The following ADGRA3 variants were observed in gnomAD, a reference collection of about 807,000 sequenced individuals.
ADGRA3 encodes G-protein coupled receptor 125.
ADGRA3 carries 56 observed loss-of-function variants against 119.8 expected under a neutral mutation model. The ratio of observed to expected loss-of-function variants is 0.47; its 90% CI spans 0.38 to 0.58. The LOEUF (loss-of-function observed/expected upper bound fraction) is 0.58. Ranked by LOEUF, ADGRA3 falls within the 20% of genes least tolerant of loss-of-function variation. ADGRA3 has a pLI of 0.00. For synonymous variants in ADGRA3, 607 were observed against 623.8 expected, an observed-to-expected ratio of 0.97 and a Z score of 0.40; for missense variants, 1,516 against 1,649.0, an observed-to-expected ratio of 0.92 and a Z score of 1.40.
At chr4:22,432,119 A>G (rs543319015) in intron 10 of ADGRA3, among the ~76,000 whole-genome samples, 15 of 152,160 alleles carry the variant, frequency 9.9e-5, no homozygotes, top group Admixed American at 7.2e-4. Flanking sequence ...AAGTTCTTAA[A>G]AAGTTAAAAC....
chr4:22,513,589 G>A (rs1251104840), intron 1 of ADGRA3, among the ~76,000 whole-genome samples: 1 of 148,490 alleles, frequency 6.7e-6, no homozygotes, highest in Non-Finnish European at 1.5e-5. Flanking sequence ...TCGGCTCACT[G>A]CAATCTCCAC....
chr4:22,436,590 G>A lies in ADGRA3; in HGVS notation c.1137C>T (p.Asn379=). 6.2e-7 allele frequency: 1 copy of A among 1,614,116 alleles called. No individual in the cohort carries two copies. Among genetic ancestry groups the A allele is most frequent in the Non-Finnish European group, 8.5e-7 (1 of 1,179,992 alleles). The change falls in exon 9 of 19, where the codon AAC becomes AAT. Residue 379 remains asparagine, a synonymous_variant. Coordinates refer to ENST00000334304, the MANE Select transcript of ADGRA3 (RefSeq NM_145290.4). ...CGGGATATATCCCACTGCCATGGGT[G>A]TTCCGCGTACACTGCAGATATGCAG... ...GITAYLQCTR[N]THGSGIYPGN...
At position 22,515,805 on chromosome 4, in the gene ADGRA3, G is replaced by C; in HGVS notation, c.-21C>G. 2.0e-6 allele frequency: 2 copies of C among 994,856 alleles called. No homozygotes were observed. Among genetic ancestry groups the C allele is most frequent in the Non-Finnish European group, 2.4e-6 (2 of 839,494 alleles). The allele number at this position is 994,856 out of a possible 1,614,324, so 61.6% of individuals were successfully genotyped here. A position where few individuals can be genotyped will look rare whatever the true frequency, so the allele number is the denominator to read the frequency against. ...TCCATGCTGCGGGCCGGGGCCTGCG[G>C]GGCGAGCGGCGGCGCACTGGCCTAG... On this transcript the variant is annotated 5_prime_UTR_variant, in exon 1 of 19. Transcript: ENST00000334304.
intron 1 of ADGRA3, among the ~76,000 whole-genome samples, chr4:22,507,072 C>T (rs1447821082): frequency 7.4e-5 from 4 of 54,060 alleles, no homozygotes; most frequent in Non-Finnish European, 1.5e-4. Context: ...CCCATCTCTA[C>T]TAAAAATTAA....
At position 22,442,838 on chromosome 4, in the gene ADGRA3, G is replaced by C; in HGVS notation, c.732C>G (p.Phe244Leu). ...CTTGGCGATGAGATGGAGTCATGTA[G>C]AAAGACGGCAATTCAAGCGGAGGGT... ...TCDPPLELPS[F>L]YMTPSHRQVV... Residue 244 changes from phenylalanine (F) to leucine (L), a missense_variant, in exon 7 of 19, where the codon TTC (phenylalanine) becomes TTG (leucine). Phe to Leu is a conservative substitution (Grantham distance 22, BLOSUM62 0). This residue lies in a region of ADGRA3 where 428 missense variants were observed against 541.9 expected (regional missense o/e 0.79). Transcript: ENST00000334304. 1 of 1,612,992 alleles carries C rather than the reference G, an allele frequency of 6.2e-7. No homozygotes were observed. Among genetic ancestry groups the C allele is most frequent in the Non-Finnish European group, 8.5e-7 (1 of 1,179,102 alleles).
chr4:22,452,622 AAACATTTT>A (rs769218156), intron 4 of ADGRA3, among the ~76,000 whole-genome samples: 1 of 152,168 alleles, frequency 6.6e-6, no homozygotes, highest in Non-Finnish European at 1.5e-5. Context: ...TAAACCTACC[AAACATTTT>A]AGTTCTTGAC....
At chr4:22,436,415 G>GTA (rs1577347640) in intron 9 of ADGRA3, 25 bp downstream of exon 9, 6 of 1,568,954 alleles carry the variant, frequency 3.8e-6, no homozygotes, top group Non-Finnish European at 5.2e-6. Flanking sequence ...CACAACCCAA[G>GTA]TAAACATGAA....
At chr4:22,497,402 C>G (rs534300120) in intron 1 of ADGRA3, among the ~76,000 whole-genome samples, 4 of 152,026 alleles carry the variant, frequency 2.6e-5, no homozygotes, top group Non-Finnish European at 5.9e-5. Context: ...TGCAGGTTCA[C>G]CTGGTACTCA....
chr4:22,494,744 T>C (rs116834775), intron 1 of ADGRA3, among the ~76,000 whole-genome samples: 7 of 152,136 alleles, frequency 4.6e-5, no homozygotes, highest in Non-Finnish European at 7.3e-5. Context: ...AAATCTTCTG[T>C]GTGTTTCATT....
At chr4:22,468,670 G>A (rs1717748805) in intron 2 of ADGRA3, among the ~76,000 whole-genome samples, 1 of 151,798 alleles carries the variant, frequency 6.6e-6, no homozygotes, top group Non-Finnish European at 1.5e-5. Context: ...TTGGGTGGCT[G>A]AGACAGGAGA....
chr4:22,438,141 G>T, intron 8 of ADGRA3, 115 bp downstream of exon 8: 1 of 737,476 alleles, frequency 1.4e-6, no homozygotes. Flanking sequence ...GTAGTCCTCA[G>T]ACATGTGCAG....
chr4:22,428,558 TG>T (rs1716033997), intron 10 of ADGRA3, among the ~76,000 whole-genome samples: 1 of 152,182 alleles, frequency 6.6e-6, no homozygotes, highest in Non-Finnish European at 1.5e-5. Context: ...GCAATGGTTT[TG>T]GAGATGACAA....
chr4:22,421,881 C>CCAAAAAAAAAAAAAAAAAAAAAAAAAAAA (rs767609157), intron 11 of ADGRA3, among the ~76,000 whole-genome samples: 3 of 70,426 alleles, frequency 4.3e-5, no homozygotes, highest in African/African-American at 1.9e-4. Context: ...ACTCAGTCTC[C>CCAAAAAAAAAAAAAAAAAAAAAAAAAAAA]AAAAAAAAAA....
chr4:22,468,850 G>A (rs1319069571), intron 2 of ADGRA3, among the ~76,000 whole-genome samples: 1 of 151,570 alleles, frequency 6.6e-6, no homozygotes, highest in African/African-American at 2.4e-5. Context: ...GGATATAAAA[G>A]TCTCAGTGCT....
intron 1 of ADGRA3, among the ~76,000 whole-genome samples, chr4:22,495,164 A>C (rs1718767424): frequency 6.6e-6 from 1 of 152,012 alleles, no homozygotes; most frequent in Admixed American, 6.5e-5. Context: ...CTAAGTGACT[A>C]ACAGGCAGGT....
At chr4:22,458,432 A>G (rs2109097214) in intron 3 of ADGRA3, among the ~76,000 whole-genome samples, 1 of 152,264 alleles carries the variant, frequency 6.6e-6, no homozygotes, top group East Asian at 1.9e-4. Context: ...AACTCTAGCT[A>G]CTGCTTCATC....
At chr4:22,415,587 A>G (rs1389566399) in intron 12 of ADGRA3, among the ~76,000 whole-genome samples, 1 of 152,182 alleles carries the variant, frequency 6.6e-6, no homozygotes, top group Non-Finnish European at 1.5e-5. Context: ...AAATCGTGAT[A>G]AAGTATTACA....
intron 1 of ADGRA3, among the ~76,000 whole-genome samples, chr4:22,500,357 T>C (rs1314890460): frequency 1.3e-5 from 2 of 152,234 alleles, no homozygotes; most frequent in African/African-American, 2.4e-5. Flanking sequence ...CTGTAAAATG[T>C]AGACAATACG....
Position 22,456,625 on chromosome 4 carries a change from T to C in ADGRA3, c.402-1688A>G, listed in dbSNP as rs779318946. ...CAGTTCTAAGGCTTCCAGACTTTGA[T>C]TGAGCTATGCTACAGGATTCATAGG... On this transcript the variant is annotated intron_variant, in intron 3 of 18. Transcript: ENST00000334304. Among the ~76,000 whole-genome samples the C allele has an allele frequency of 4.5e-4, 68 of 152,118 alleles. 1 individual carries two copies. The highest frequency in any genetic ancestry group is 5.1e-4 in the Non-Finnish European group (35 of 68,030).
Sources: gnomAD v4.1 joint callset for allele counts (sites outside exome capture counted in the v4.1 genomes callset) on GRCh38, gnomAD v4.1.1 for gene constraint, gnomAD v4.1.1 regional missense constraint, MANE v1.5 for transcripts, NCBI Gene and HGNC (gene_info 2026-07-23, HGNC 2026-07-21) for gene names.